Variants in TRDN observed in about 807,000 individuals in gnomAD.
TRDN encodes the protein triadin in skeletal muscle.
A neutral mutation model predicts 149.7 loss-of-function variants in TRDN; 161 were observed. The ratio of observed to expected loss-of-function variants is 1.08; its 90% CI spans 0.95 to 1.23. The LOEUF (loss-of-function observed/expected upper bound fraction) is 1.23. Ranked by LOEUF, TRDN falls within the 50% of genes most tolerant of loss-of-function variation. TRDN has a pLI of 0.00. For missense variants in TRDN, 896 were observed against 823.5 expected, an observed-to-expected ratio of 1.09 and a Z score of -1.08; for synonymous variants, 294 against 250.5, an observed-to-expected ratio of 1.17 and a Z score of -1.64.
intron 24 of TRDN, among the ~76,000 whole-genome samples, chr6:123,295,373 A>G (rs1191278773): frequency 6.6e-6 from 1 of 152,176 alleles, no homozygotes; most frequent in Non-Finnish European, 1.5e-5. Context: ...ACATCCCCAG[A>G]GCTGTAATGC....
rs780264166 is a variant in TRDN, at chr6:123,273,000, C to T, written c.1636G>A (p.Val546Met). The T allele has an allele frequency of 6.6e-7, 1 of 1,522,138 alleles. No individual in the cohort carries two copies. The highest frequency in any genetic ancestry group is 8.8e-7 in the Non-Finnish European group (1 of 1,135,848). 94.3% of individuals were successfully genotyped at this position (1,522,138 alleles called of 1,614,324 possible). A position where few individuals can be genotyped will look rare whatever the true frequency, so the allele number is the denominator to read the frequency against. Residue 546 changes from valine (V) to methionine (M), a missense_variant, in exon 29 of 41, where the codon GTG becomes ATG. Transcript: ENST00000334268. ...TGAGAAACAGTCTTTTCTGGTTTCA[C>T]TATGTCTTGTTCTGAAAATAATAAA... ...EKVQIHKQDI[V>M]KPEKTVSHGK...
chr6:123,401,952 GA>G (rs1322233071), intron 12 of TRDN, among the ~76,000 whole-genome samples: 2,641 of 75,126 alleles, frequency 0.035, 60 homozygotes, highest in East Asian at 0.13. Context: ...AACTCAAAAA[GA>G]AAAAAAAAAA....
chr6:123,347,646 G>A (rs1780306901), intron 21 of TRDN, among the ~76,000 whole-genome samples: 1 of 151,920 alleles, frequency 6.6e-6, no homozygotes, highest in African/African-American at 2.4e-5. Context: ...TTGATTGATT[G>A]TACTTGCAAT....
chr6:123,431,976 T>G (rs1562309914), intron 12 of TRDN, among the ~76,000 whole-genome samples: 1 of 152,050 alleles, frequency 6.6e-6, no homozygotes. Context: ...TAGCCAAAGG[T>G]TTTAGTTTGT....
intron 38 of TRDN, among the ~76,000 whole-genome samples, chr6:123,233,291 A>T (rs1775676049): frequency 6.6e-6 from 1 of 152,138 alleles, no homozygotes; most frequent in Admixed American, 6.6e-5. Flanking sequence ...ATGTGCTATT[A>T]TTTAAAGTAA....
At chr6:123,394,618 A>T (rs1158393408) in intron 12 of TRDN, among the ~76,000 whole-genome samples, 1 of 152,266 alleles carries the variant, frequency 6.6e-6, no homozygotes. Context: ...AATTATTGTC[A>T]AATGTTGATT....
chr6:123,243,815 T>A (rs1776076930), intron 38 of TRDN, among the ~76,000 whole-genome samples: 1 of 151,990 alleles, frequency 6.6e-6, no homozygotes, highest in Middle Eastern at 3.2e-3. Context: ...TAGGATGACA[T>A]AAAGTGACAG....
intron 24 of TRDN, among the ~76,000 whole-genome samples, chr6:123,290,024 A>C (rs747391580): frequency 6.6e-6 from 1 of 152,266 alleles, no homozygotes; most frequent in South Asian, 2.1e-4. Flanking sequence ...CTTGGACCCA[A>C]GACCCAGTGG....
At chr6:123,491,757 C>T (rs900999141) in intron 9 of TRDN, among the ~76,000 whole-genome samples, 4 of 152,198 alleles carry the variant, frequency 2.6e-5, no homozygotes, top group East Asian at 1.9e-4. Flanking sequence ...TTAAAATTCC[C>T]GAAACTTTTG....
intron 20 of TRDN, among the ~76,000 whole-genome samples, chr6:123,364,279 T>G (rs1404289096): frequency 2.0e-5 from 3 of 152,208 alleles, no homozygotes; most frequent in African/African-American, 7.2e-5. Context: ...GAGTTCAACC[T>G]TTGCTTCTTA....
chr6:123,502,741 T>C, intron 8 of TRDN: 1 of 984,668 alleles, frequency 1.0e-6, no homozygotes, highest in African/African-American at 1.7e-5. Flanking sequence ...AATTCTTTGA[T>C]ACAGTCCTTA....
intron 33 of TRDN, among the ~76,000 whole-genome samples, chr6:123,263,342 G>C (rs1389697532): frequency 1.3e-5 from 2 of 152,026 alleles, no homozygotes; most frequent in Non-Finnish European, 2.9e-5. Context: ...AACTGCAGAA[G>C]AAAAGTTGGA....
intron 10 of TRDN, among the ~76,000 whole-genome samples, chr6:123,456,468 A>AT (rs909060844): frequency 1.1e-3 from 161 of 146,702 alleles, no homozygotes; most frequent in African/African-American, 2.6e-3. Context: ...TGAAGCAGGC[A>AT]TTTTTTTTTT....
intron 38 of TRDN, among the ~76,000 whole-genome samples, chr6:123,250,052 T>A (rs113887502): frequency 1.3e-4 from 20 of 152,014 alleles, no homozygotes; most frequent in Non-Finnish European, 2.2e-4. Flanking sequence ...CATACACCAA[T>A]AATGAACTAG....
intron 33 of TRDN, among the ~76,000 whole-genome samples, chr6:123,262,498 T>A (rs879533979): frequency 1.2e-4 from 18 of 152,070 alleles, no homozygotes; most frequent in Non-Finnish European, 2.2e-4. Context: ...CCCTCATACA[T>A]CCTGGTCCAG....
intron 38 of TRDN, among the ~76,000 whole-genome samples, chr6:123,234,349 A>G (rs893130712): frequency 3.9e-5 from 6 of 152,140 alleles, no homozygotes; most frequent in African/African-American, 1.2e-4. Flanking sequence ...ATATGTTTAT[A>G]AACACACATA....
intron 24 of TRDN, among the ~76,000 whole-genome samples, chr6:123,305,423 A>T (rs567657616): frequency 6.6e-6 from 1 of 152,294 alleles, no homozygotes; most frequent in African/African-American, 2.4e-5. Flanking sequence ...ACTAGGTCTT[A>T]AATTGTTTTA....
intron 12 of TRDN, among the ~76,000 whole-genome samples, chr6:123,413,572 T>C (rs1415003207): frequency 2.0e-5 from 3 of 152,160 alleles, no homozygotes; most frequent in Non-Finnish European, 4.4e-5. Flanking sequence ...GATGACTTCA[T>C]AGCCTGATAA....
intron 1 of TRDN, among the ~76,000 whole-genome samples, chr6:123,633,137 G>T (rs542072140): frequency 6.6e-6 from 1 of 152,148 alleles, no homozygotes; most frequent in African/African-American, 2.4e-5. Context: ...TAAATAAAAA[G>T]CTTTCTTGAA....
Sources: allele counts gnomAD v4.1 joint callset (sites outside exome capture counted in the v4.1 genomes callset), GRCh38; gene constraint gnomAD v4.1.1; transcripts MANE v1.5; gene names NCBI Gene and HGNC (gene_info 2026-07-23, HGNC 2026-07-21).